ARFGEF1: variants seen among roughly 807,000 people sequenced by gnomAD.
ARFGEF1 encodes brefeldin A-inhibited guanine nucleotide-exchange protein 1.
A neutral mutation model predicts 231.0 loss-of-function variants in ARFGEF1; 42 were observed. The ratio of observed to expected loss-of-function variants is 0.18; its 90% CI spans 0.14 to 0.24. The LOEUF (loss-of-function observed/expected upper bound fraction) is 0.24, where lower values mean the gene tolerates loss of function less well. Ranked by LOEUF, ARFGEF1 falls within the 10% of genes least tolerant of loss-of-function variation. ARFGEF1 has a pLI of 1.00. For missense variants in ARFGEF1, 1,345 were observed against 2,192.0 expected, an observed-to-expected ratio of 0.61 and a Z score of 7.72; for synonymous variants, 710 against 732.3, an observed-to-expected ratio of 0.97 and a Z score of 0.49.
intron 30 of ARFGEF1, 69 bp from the exon 31 acceptor site, chr8:67,218,207 AATATATAT>A (rs1228163654): frequency 2.4e-4 from 22 of 91,352 alleles, no homozygotes; most frequent in Non-Finnish European, 3.3e-4. Flanking sequence ...AAAAAAAAAA[AATATATAT>A]ATATATATAT....
chr8:67,266,062 T>C lies in ARFGEF1; in HGVS notation c.2067A>G (p.Pro689=). ...YSTQMSGTDN[P]EQFEVLKQQK... is the part of the protein sequence containing the mutation. ...GTTGCTTTAGGACCTCAAATTGTTC[T>C]GGATTATCAGTGCCAGACATCTGTG... The change falls in exon 14 of 39, where the codon CCA becomes CCG. Residue 689 remains proline, a synonymous_variant. Coordinates refer to ENST00000262215, the MANE Select transcript of ARFGEF1 (RefSeq NM_006421.5). 6.2e-7 allele frequency: 1 copy of C among 1,613,976 alleles called. No homozygotes were observed.
At chr8:67,321,278 T>G (rs1474967313) in intron 1 of ARFGEF1, among the ~76,000 whole-genome samples, 3 of 152,094 alleles carry the variant, frequency 2.0e-5, no homozygotes, top group African/African-American at 7.2e-5. Flanking sequence ...AAAGTCAAAT[T>G]TACTGTATGT....
chr8:67,221,418 GTAGGCC>G (rs1402884501), intron 29 of ARFGEF1, among the ~76,000 whole-genome samples: 1 of 152,026 alleles, frequency 6.6e-6, no homozygotes, highest in African/African-American at 2.4e-5. Flanking sequence ...CTGACCCTGT[GTAGGCC>G]TAGGTTAATG....
At chr8:67,239,728 T>A (rs909232258) in intron 20 of ARFGEF1, among the ~76,000 whole-genome samples, 5 of 152,228 alleles carry the variant, frequency 3.3e-5, no homozygotes, top group Non-Finnish European at 7.3e-5. Flanking sequence ...AGAAAGGACT[T>A]CTTTCATGAA....
intron 6 of ARFGEF1, among the ~76,000 whole-genome samples, chr8:67,289,378 AC>A (rs1805901769): frequency 6.6e-6 from 1 of 151,924 alleles, no homozygotes; most frequent in Admixed American, 6.6e-5. Context: ...ACACAGTGAG[AC>A]CCAGTTGCTA....
chr8:67,289,882 T>C (rs566912471), intron 6 of ARFGEF1, among the ~76,000 whole-genome samples: 12 of 152,306 alleles, frequency 7.9e-5, no homozygotes, highest in Admixed American at 2.0e-4. Context: ...GTCTGAAAAC[T>C]AGAGTTTCAA....
At chr8:67,213,934 C>T (rs1269659717) in intron 33 of ARFGEF1, among the ~76,000 whole-genome samples, 1 of 152,060 alleles carries the variant, frequency 6.6e-6, no homozygotes, top group Non-Finnish European at 1.5e-5. Context: ...TTTTGCTGGC[C>T]CTGATAAAGA....
At chr8:67,323,089 T>C (rs1221894037) in intron 1 of ARFGEF1, among the ~76,000 whole-genome samples, 1 of 151,810 alleles carries the variant, frequency 6.6e-6, no homozygotes, top group East Asian at 1.9e-4. Flanking sequence ...CCGTCTCTAC[T>C]AAAAATACAA....
intron 33 of ARFGEF1, among the ~76,000 whole-genome samples, chr8:67,213,747 C>T (rs1838829469): frequency 6.6e-6 from 1 of 152,202 alleles, no homozygotes; most frequent in South Asian, 2.1e-4. Flanking sequence ...GCCTTCAAAA[C>T]TGAGCAAAAC....
At chr8:67,225,993 C>T (rs777802446) in intron 28 of ARFGEF1, 30 bp downstream of exon 28, 4 of 1,552,152 alleles carry the variant, frequency 2.6e-6, no homozygotes, top group South Asian at 2.5e-5. Flanking sequence ...GAATACTCTG[C>T]AAAATTTTGT....
chr8:67,277,340 A>G lies in ARFGEF1; in HGVS notation c.1145T>C (p.Val382Ala). 1 of 1,613,794 alleles carries G rather than the reference A, an allele frequency of 6.2e-7. No homozygotes were observed. Among genetic ancestry groups the G allele is most frequent in the Non-Finnish European group, 8.5e-7 (1 of 1,179,820 alleles). ...ATCAGGTAAGGATGGTGTATATGCA[A>G]CAGAAATTGGTGTTCCTGGAATTCC... ...ANGIPGTPIS[V>A]AYTPSLPDDR... Residue 382 changes from valine (V) to alanine (A), a missense_variant, in exon 8 of 39, where the codon GTT (valine) becomes GCT (alanine). Physicochemically the swap from Val to Ala is moderately conservative, Grantham distance 64. This residue lies in a region of ARFGEF1 where 398 missense variants were observed against 463.2 expected (regional missense o/e 0.86). Coordinates refer to ENST00000262215, the MANE Select transcript of ARFGEF1 (RefSeq NM_006421.5).
intron 6 of ARFGEF1, among the ~76,000 whole-genome samples, chr8:67,290,868 CTG>C (rs1365025424): frequency 6.6e-6 from 1 of 151,844 alleles, no homozygotes; most frequent in Non-Finnish European, 1.5e-5. Flanking sequence ...TAGTAAAGTA[CTG>C]TTTTTAAAAG....
intron 4 of ARFGEF1, 131 bp downstream of exon 4, chr8:67,299,078 C>T: frequency 1.1e-6 from 1 of 908,354 alleles, no homozygotes; most frequent in Non-Finnish European, 1.5e-6. Context: ...GCCACTGAGC[C>T]CGGCCTCGAA....
At chr8:67,264,656 G>C (rs1201047327) in intron 14 of ARFGEF1, among the ~76,000 whole-genome samples, 1 of 152,104 alleles carries the variant, frequency 6.6e-6, no homozygotes, top group Non-Finnish European at 1.5e-5. Flanking sequence ...TCATGAAACA[G>C]TTGTAGACAA....
At chr8:67,268,746 T>G (rs1449141765) in intron 10 of ARFGEF1, among the ~76,000 whole-genome samples, 1 of 152,212 alleles carries the variant, frequency 6.6e-6, no homozygotes, top group Non-Finnish European at 1.5e-5. Flanking sequence ...AAACATTATT[T>G]TTCTTTTACT....
At chr8:67,188,453 T>C (rs1401431318) in intron 5 of ARFGEF1, among the ~76,000 whole-genome samples, 1 of 152,074 alleles carries the variant, frequency 6.6e-6, no homozygotes, top group Non-Finnish European at 1.5e-5. Context: ...GGTAAAGAAA[T>C]AGTGAAATCA....
At chr8:67,239,707 T>C (rs1426881130) in intron 20 of ARFGEF1, among the ~76,000 whole-genome samples, 1 of 152,198 alleles carries the variant, frequency 6.6e-6, no homozygotes. Flanking sequence ...CCTCAAAGCA[T>C]ATAAATTACT....
rs1252016051 is a variant in ARFGEF1 at position 67,271,810 on chromosome 8, T to C, written c.1464A>G (p.Ala488=). The change falls in exon 10 of 39, where the codon GCA becomes GCG. Residue 488 remains alanine, a synonymous_variant. Coordinates refer to ENST00000262215, the MANE Select transcript of ARFGEF1 (RefSeq NM_006421.5). ...INAIKQYLCV[A]LSKNGVSSVP... is the part of the protein sequence containing the mutation. ...CAGATGAGACTCCATTTTTTGAGAGTGCAACACAAAGATACTGCTTAATAG... is the reference window on the plus strand; with the variant it reads ...CAGATGAGACTCCATTTTTTGAGAGCGCAACACAAAGATACTGCTTAATAG... 9 of 1,613,616 alleles carry C rather than the reference T, an allele frequency of 5.6e-6. No individual in the cohort carries two copies. Among genetic ancestry groups the C allele is most frequent in the South Asian group, 1.1e-5 (1 of 91,078 alleles).
intron 23 of ARFGEF1, among the ~76,000 whole-genome samples, chr8:67,231,048 A>C (rs940616061): frequency 6.6e-6 from 1 of 152,078 alleles, no homozygotes; most frequent in Non-Finnish European, 1.5e-5. Context: ...TATGCAGAAA[A>C]ATAGGCCTAA....
Sources: allele counts gnomAD v4.1 joint callset (sites outside exome capture counted in the v4.1 genomes callset), GRCh38; gene constraint gnomAD v4.1.1; regional missense constraint gnomAD v4.1.1; transcripts MANE v1.5; gene names NCBI Gene and HGNC (gene_info 2026-07-23, HGNC 2026-07-21).